CSMD1: variants seen among roughly 807,000 people sequenced by gnomAD.
CSMD1 encodes the protein CUB and sushi domain-containing protein 1.
Under a neutral mutation model 417.5 loss-of-function variants are expected in CSMD1, and 213 were observed. The observed-to-expected ratio is 0.51, with a 90% CI of 0.46 to 0.57. The LOEUF (loss-of-function observed/expected upper bound fraction) is 0.57. CSMD1 is among the 20% of genes least tolerant of loss of function. The pLI is 0.00. For missense variants in CSMD1, 6,923 were observed against 4,529.7 expected, an observed-to-expected ratio of 1.53 and a Z score of -15.17; for synonymous variants, 2,862 against 1,736.8, an observed-to-expected ratio of 1.65 and a Z score of -16.11.
At chr8:4,616,977 C>T (rs927353927) in intron 2 of CSMD1, among the ~76,000 whole-genome samples, 2 of 151,764 alleles carry the variant, frequency 1.3e-5, no homozygotes, top group Non-Finnish European at 2.9e-5. Context: ...CTTTTTTTTA[C>T]CTAATAGATT....
At chr8:4,966,158 G>C (rs1301644701) in intron 1 of CSMD1, among the ~76,000 whole-genome samples, 2 of 144,466 alleles carry the variant, frequency 1.4e-5, no homozygotes, top group Non-Finnish European at 3.0e-5. Context: ...GAGGTAAGGA[G>C]TTCCAGACCA....
intron 3 of CSMD1, among the ~76,000 whole-genome samples, chr8:4,381,565 A>G (rs781561854): frequency 1.4e-4 from 22 of 152,012 alleles, no homozygotes; most frequent in Non-Finnish European, 2.6e-4. Flanking sequence ...ATATGATTGC[A>G]ATTCTGCCCA....
At chr8:4,474,309 G>GA (rs905226871) in intron 2 of CSMD1, among the ~76,000 whole-genome samples, 34 of 151,980 alleles carry the variant, frequency 2.2e-4, no homozygotes, top group Middle Eastern at 6.8e-3. Context: ...GTTCCAAATA[G>GA]AAAAAAAACA....
intron 1 of CSMD1, among the ~76,000 whole-genome samples, chr8:4,940,707 A>G (rs2117234195): frequency 6.6e-6 from 1 of 152,322 alleles, no homozygotes; most frequent in Non-Finnish European, 1.5e-5. Flanking sequence ...ACCAATTAAA[A>G]TATGCATGTT....
chr8:4,456,947 C>G (rs991629471), intron 2 of CSMD1, among the ~76,000 whole-genome samples: 6 of 145,398 alleles, frequency 4.1e-5, no homozygotes, highest in Non-Finnish European at 8.9e-5. Context: ...GGCAATTCCT[C>G]TGATTTACAA....
chr8:3,935,052 T>C (rs963384668), intron 5 of CSMD1, among the ~76,000 whole-genome samples: 2 of 152,152 alleles, frequency 1.3e-5, no homozygotes, highest in Non-Finnish European at 2.9e-5. Context: ...TTCTTTTGCA[T>C]TGCACTGGCT....
intron 2 of CSMD1, among the ~76,000 whole-genome samples, chr8:4,626,357 G>A (rs1029670334): frequency 1.3e-5 from 2 of 151,900 alleles, no homozygotes; most frequent in African/African-American, 4.8e-5. Flanking sequence ...TAATGCTACT[G>A]ATTTCTAAAG....
chr8:3,514,228 G>C (rs1321832759), intron 10 of CSMD1, among the ~76,000 whole-genome samples: 1 of 152,054 alleles, frequency 6.6e-6, no homozygotes. Flanking sequence ...AATAAGACCG[G>C]CTTTCTTAGA....
chr8:3,029,642 T>TG, intron 50 of CSMD1, 129 bp from the exon 51 acceptor site: 1 of 705,832 alleles, frequency 1.4e-6, no homozygotes, highest in Non-Finnish European at 2.3e-6. Flanking sequence ...CCATTACGTA[T>TG]TATCTCAGTG....
At chr8:3,915,198 G>A (rs1808733467) in intron 5 of CSMD1, among the ~76,000 whole-genome samples, 1 of 151,988 alleles carries the variant, frequency 6.6e-6, no homozygotes, top group Non-Finnish European at 1.5e-5. Context: ...CTAAGGTCAG[G>A]ATTTCGAGAC....
chr8:4,071,791 T>G (rs918256577), intron 3 of CSMD1, among the ~76,000 whole-genome samples: 14 of 152,192 alleles, frequency 9.2e-5, no homozygotes, highest in African/African-American at 2.9e-4. Context: ...GGCAGGAAAT[T>G]AAGTTAGTTG....
chr8:3,448,259 C>A (rs1815429704), intron 12 of CSMD1, among the ~76,000 whole-genome samples: 1 of 106,608 alleles, frequency 9.4e-6, no homozygotes. Flanking sequence ...ATCTCAAGAC[C>A]ATCCTTGGAC....
rs62504972 is a variant in CSMD1 at position 3,238,139 on chromosome 8, G to T, written c.4154-7908C>A. ...GGGCCGTTTTATAAGATTTGGGTAC[G>T]TAAAGGAAAATTACAGTCAAAGGGG... is the stretch of plus-strand genomic sequence containing the variant. On this transcript the variant is annotated intron_variant, in intron 26 of 69. Transcript: ENST00000635120. 3.1e-3 allele frequency among the ~76,000 whole-genome samples: 471 copies of T among 151,926 alleles called. 1 individual carries two copies. Among genetic ancestry groups the T allele is most frequent in the Admixed American group, 7.4e-3 (113 of 15,236 alleles).
chr8:3,002,064 A>C (rs1807450366), intron 52 of CSMD1, among the ~76,000 whole-genome samples: 1 of 152,188 alleles, frequency 6.6e-6, no homozygotes, highest in African/African-American at 2.4e-5. Flanking sequence ...TAGACCACAA[A>C]AAGCCAGGCT....
chr8:4,428,370 G>C (rs552632503), intron 2 of CSMD1, among the ~76,000 whole-genome samples: 1 of 152,082 alleles, frequency 6.6e-6, no homozygotes, highest in Non-Finnish European at 1.5e-5. Flanking sequence ...AGTAATTCTA[G>C]GTAGCTTGTT....
intron 3 of CSMD1, among the ~76,000 whole-genome samples, chr8:4,348,388 G>A (rs576160569): frequency 1.1e-4 from 17 of 152,130 alleles, no homozygotes; most frequent in Non-Finnish European, 2.2e-4. Context: ...TTTAAAGAAC[G>A]TTGCAGGTCA....
chr8:4,266,520 G>A lies in CSMD1; in HGVS notation c.415+153433C>T, dbSNP rs1159474297. On this transcript the variant is annotated intron_variant, in intron 3 of 69. Transcript: ENST00000635120. ...AGTATTCACTAAATTTTAAAAAGTA[G>A]AACAATTTCATACTCATGCCTCATA... is the stretch of plus-strand genomic sequence containing the variant. Among the ~76,000 whole-genome samples, 5 of 104,354 alleles carry A rather than the reference G, an allele frequency of 4.8e-5. 2 individuals carry two copies. The highest frequency in any genetic ancestry group is 1.3e-4 in the Non-Finnish European group (5 of 38,730). The allele number at this position is 104,354 out of a possible 152,430, so 68.5% of individuals were successfully genotyped here. A position where few individuals can be genotyped will look rare whatever the true frequency, so the allele number is the denominator to read the frequency against.
chr8:4,539,942 G>C (rs1016282354), intron 2 of CSMD1, among the ~76,000 whole-genome samples: 5 of 152,082 alleles, frequency 3.3e-5, no homozygotes, highest in Non-Finnish European at 7.4e-5. Context: ...ATCTACCCCA[G>C]CCCAAACTCC....
chr8:3,416,082 A>T (rs914903178), intron 12 of CSMD1, among the ~76,000 whole-genome samples: 4 of 152,070 alleles, frequency 2.6e-5, no homozygotes, highest in African/African-American at 9.7e-5. Flanking sequence ...CAGGTGGATC[A>T]TGAGGTCAGG....
Sources: allele counts gnomAD v4.1 joint callset (sites outside exome capture counted in the v4.1 genomes callset), GRCh38; gene constraint gnomAD v4.1.1; transcripts MANE v1.5; gene names NCBI Gene and HGNC (gene_info 2026-07-23, HGNC 2026-07-21).